DOK6: variants seen among roughly 807,000 people sequenced by gnomAD.
The protein encoded by DOK6 is docking protein 6.
A neutral mutation model predicts 44.0 loss-of-function variants in DOK6; 22 were observed. The observed-to-expected ratio is 0.50, with a 90% CI of 0.36 to 0.71. The LOEUF (loss-of-function observed/expected upper bound fraction) is 0.71. Among genes scored for constraint, DOK6 ranks in the 30% least tolerant of loss-of-function variants. The pLI is 0.00. For synonymous variants in DOK6, 166 were observed against 145.5 expected, an observed-to-expected ratio of 1.14 and a Z score of -1.01; for missense variants, 340 against 416.4, an observed-to-expected ratio of 0.82 and a Z score of 1.60.
At chr18:69,563,619 G>A (rs1301083937) in intron 1 of DOK6, among the ~76,000 whole-genome samples, 1 of 146,004 alleles carries the variant, frequency 6.8e-6, no homozygotes, top group African/African-American at 2.5e-5. Flanking sequence ...CATGGACACA[G>A]GAAGGGGAAC....
chr18:69,478,188 C>A (rs1350805848), intron 1 of DOK6, among the ~76,000 whole-genome samples: 1 of 152,052 alleles, frequency 6.6e-6, no homozygotes, highest in African/African-American at 2.4e-5. Flanking sequence ...AGAGGCTTTC[C>A]GAATCACGCT....
intron 2 of DOK6, 85 bp from the exon 3 acceptor site, chr18:69,599,299 C>T (rs1302028836): frequency 6.4e-6 from 6 of 933,358 alleles, no homozygotes; most frequent in Non-Finnish European, 7.9e-6. Context: ...TCATGTAAGA[C>T]TGTGATAACT....
At chr18:69,750,952 G>C (rs1979156147) in intron 6 of DOK6, among the ~76,000 whole-genome samples, 1 of 152,062 alleles carries the variant, frequency 6.6e-6, no homozygotes, top group Non-Finnish European at 1.5e-5. Flanking sequence ...ACTGACATTT[G>C]CAGCAACATA....
At chr18:69,510,542 T>C (rs768538557) in intron 1 of DOK6, among the ~76,000 whole-genome samples, 21 of 152,172 alleles carry the variant, frequency 1.4e-4, no homozygotes, top group Non-Finnish European at 2.8e-4. Flanking sequence ...GCGCCAAATG[T>C]TTTTAATTTT....
intron 1 of DOK6, among the ~76,000 whole-genome samples, chr18:69,499,097 T>C (rs1276067328): frequency 6.6e-6 from 1 of 152,126 alleles, no homozygotes; most frequent in Non-Finnish European, 1.5e-5. Flanking sequence ...ATATGCTGTG[T>C]GTAAATGCCA....
chr18:69,700,216 C>CATATATATAT lies in DOK6; in HGVS notation c.599+1632_599+1641dup, dbSNP rs61078235. 9.8e-4 allele frequency among the ~76,000 whole-genome samples: 122 copies of CATATATATAT among 124,792 alleles called. 4 individuals are homozygous for CATATATATAT. The highest frequency in any genetic ancestry group is 3.3e-3 in the African/African-American group (112 of 33,462). 81.9% of individuals were successfully genotyped at this position (124,792 alleles called of 152,430 possible). ...TATCAGTTAGTTTTACATATATATA[C>CATATATATAT]ATATATATATATATATATGAATTGA... On this transcript the variant is annotated intron_variant, in intron 5 of 7. Coordinates refer to ENST00000382713, the MANE Select transcript of DOK6 (RefSeq NM_152721.6).
rs146190832 is a variant in DOK6 at position 69,522,094 on chromosome 18, G to A, written c.67-42393G>A. On this transcript the variant is annotated intron_variant, in intron 1 of 7. Coordinates refer to ENST00000382713, the MANE Select transcript of DOK6 (RefSeq NM_152721.6). ...TCATATATGTGTTGTACACACTTAG[G>A]GGAAGACAATAAAATCAACTGAATC... Among the ~76,000 whole-genome samples, 268 of 151,960 alleles carry A rather than the reference G, an allele frequency of 1.8e-3. 2 individuals carry two copies. Among genetic ancestry groups the A allele is most frequent in the African/African-American group, 6.3e-3 (262 of 41,490 alleles).
In DOK6 at chr18:69,669,796, T is replaced by C. The variant is rs577763785; in HGVS notation, c.290-7938T>C. On this transcript the variant is annotated intron_variant, in intron 3 of 7. Transcript: ENST00000382713. The stretch of plus-strand genomic sequence containing the variant: ...GAAATTCCTATTTAATTTATTAAGC[T>C]TCAAGTAGATTTAATCACACCATAT... Among the ~76,000 whole-genome samples, 16 of 152,326 alleles carry C rather than the reference T, an allele frequency of 1.1e-4. No homozygotes were observed. The South Asian group carries it at 3.3e-3, about 32-fold the overall frequency.
intron 1 of DOK6, among the ~76,000 whole-genome samples, chr18:69,405,667 TTAGACCA>T (rs1179162923): frequency 6.6e-6 from 1 of 152,170 alleles, no homozygotes; most frequent in Non-Finnish European, 1.5e-5. Flanking sequence ...ATTTTGTCCT[TTAGACCA>T]TTTTACAATT....
chr18:69,537,044 C>T (rs1026133971), intron 1 of DOK6, among the ~76,000 whole-genome samples: 4 of 150,200 alleles, frequency 2.7e-5, no homozygotes, highest in East Asian at 1.9e-4. Context: ...CTATGTTGAC[C>T]GGGTCGGTCT....
intron 7 of DOK6, among the ~76,000 whole-genome samples, chr18:69,803,909 GA>G (rs1258745121): frequency 2.6e-5 from 4 of 152,136 alleles, no homozygotes; most frequent in Non-Finnish European, 5.9e-5. Context: ...GTATAGTGCA[GA>G]AAAGTTGCAG....
At chr18:69,734,206 A>C (rs2144733920) in intron 5 of DOK6, among the ~76,000 whole-genome samples, 1 of 151,658 alleles carries the variant, frequency 6.6e-6, no homozygotes, top group Non-Finnish European at 1.5e-5. Flanking sequence ...AGCTTTCCCT[A>C]ACTGACTTGA....
chr18:69,818,532 G>A (rs1981470254), intron 7 of DOK6, among the ~76,000 whole-genome samples: 1 of 152,132 alleles, frequency 6.6e-6, no homozygotes, highest in Non-Finnish European at 1.5e-5. Flanking sequence ...TCCTTCACCA[G>A]GAAATCCTCA....
intron 3 of DOK6, among the ~76,000 whole-genome samples, chr18:69,614,509 CTG>C (rs1555717188): frequency 6.6e-6 from 1 of 151,524 alleles, no homozygotes; most frequent in Non-Finnish European, 1.5e-5. Flanking sequence ...ATTAAAATAT[CTG>C]TCACTTCACG....
chr18:69,777,713 C>A (rs889835729), intron 7 of DOK6, among the ~76,000 whole-genome samples: 3 of 132,550 alleles, frequency 2.3e-5, no homozygotes, highest in Admixed American at 8.7e-5. Flanking sequence ...CACTTCACAA[C>A]AAGTATTAGG....
At chr18:69,715,469 T>C (rs1986861423) in intron 5 of DOK6, among the ~76,000 whole-genome samples, 1 of 152,206 alleles carries the variant, frequency 6.6e-6, no homozygotes, top group Non-Finnish European at 1.5e-5. Flanking sequence ...AAGTAGCATA[T>C]GGTCTGGCAA....
At chr18:69,596,598 G>A (rs983350232) in intron 2 of DOK6, among the ~76,000 whole-genome samples, 20 of 118,828 alleles carry the variant, frequency 1.7e-4, no homozygotes, top group Non-Finnish European at 3.3e-4. Context: ...GTGCTTAAAG[G>A]GGGAAAAAAA....
At position 69,782,065 on chromosome 18, in the gene DOK6, G is replaced by T. The variant is rs370734825; in HGVS notation, c.856+24192G>T. 2.0e-4 allele frequency among the ~76,000 whole-genome samples: 30 copies of T among 150,980 alleles called. 1 individual carries two copies. The highest frequency in any genetic ancestry group is 6.8e-4 in the African/African-American group (28 of 41,382). On this transcript the variant is annotated intron_variant, in intron 7 of 7. Coordinates refer to ENST00000382713, the MANE Select transcript of DOK6 (RefSeq NM_152721.6). ...GCCCATGGTTAATAAAATAATTACTGTGAAAAAAATGGAAAGATTATAGGA... is the reference window on the plus strand; with the variant it reads ...GCCCATGGTTAATAAAATAATTACTTTGAAAAAAATGGAAAGATTATAGGA...
chr18:69,725,301 TAA>T (rs1978300642), intron 5 of DOK6, among the ~76,000 whole-genome samples: 1 of 152,160 alleles, frequency 6.6e-6, no homozygotes, highest in South Asian at 2.1e-4. Flanking sequence ...GAGGGATGGA[TAA>T]GCGTTTGTTG....
Sources: allele counts gnomAD v4.1 joint callset (sites outside exome capture counted in the v4.1 genomes callset), GRCh38; gene constraint gnomAD v4.1.1; transcripts MANE v1.5; gene names NCBI Gene and HGNC (gene_info 2026-07-23, HGNC 2026-07-21).